The following HECW1 variants were observed in gnomAD, a reference collection of about 807,000 sequenced individuals.
The protein encoded by HECW1 is E3 ubiquitin-protein ligase HECW1.
In HECW1, 61 loss-of-function variants were observed where a neutral mutation model predicts 182.3. That is an observed-to-expected ratio of 0.33 (90% CI 0.27 to 0.41). The LOEUF (loss-of-function observed/expected upper bound fraction) is 0.41. Among genes scored for constraint, HECW1 ranks in the 10% least tolerant of loss-of-function variants. The pLI, the probability that HECW1 is intolerant of heterozygous loss-of-function variation, is 1.00. For synonymous variants in HECW1, 859 were observed against 832.6 expected, an observed-to-expected ratio of 1.03 and a Z score of -0.55; for missense variants, 1,739 against 2,108.9, an observed-to-expected ratio of 0.82 and a Z score of 3.44.
At chr7:43,226,777 C>T (rs1797465135) in intron 2 of HECW1, among the ~76,000 whole-genome samples, 1 of 152,204 alleles carries the variant, frequency 6.6e-6, no homozygotes, top group East Asian at 1.9e-4. Flanking sequence ...TTCTAAAATG[C>T]TGCCCTCCGA....
In HECW1 at chr7:43,368,599, A is replaced by C. The variant is rs146627629; in HGVS notation, c.555+7619A>C. Among the ~76,000 whole-genome samples the C allele has an allele frequency of 9.5e-4, 145 of 152,312 alleles. 2 individuals carry two copies. Among genetic ancestry groups the C allele is most frequent in the African/African-American group, 3.2e-3 (135 of 41,584 alleles). ...TAGATAATTTACCCAGGCCCTACTCACAATCTCTAACCTCTCAAAGAGGCA... is the reference window on the plus strand; with the variant it reads ...TAGATAATTTACCCAGGCCCTACTCCCAATCTCTAACCTCTCAAAGAGGCA... On this transcript the variant is annotated intron_variant, in intron 6 of 29. Coordinates refer to ENST00000395891, the MANE Select transcript of HECW1 (RefSeq NM_015052.5).
At chr7:43,419,096 G>A (rs530871183) in intron 8 of HECW1, among the ~76,000 whole-genome samples, 27 of 152,288 alleles carry the variant, frequency 1.8e-4, no homozygotes, top group African/African-American at 4.8e-4. Flanking sequence ...TCTATACATC[G>A]TTTGGGGCTC....
chr7:43,251,949 G>A (rs1397747248), intron 3 of HECW1, among the ~76,000 whole-genome samples: 1 of 152,170 alleles, frequency 6.6e-6, no homozygotes, highest in Non-Finnish European at 1.5e-5. Flanking sequence ...TGGACCCAGT[G>A]CTCTGGGGGG....
Position 43,445,067 on chromosome 7 carries a change from A to G in HECW1, c.1895A>G (p.His632Arg). 2 of 1,593,328 alleles carry G rather than the reference A, an allele frequency of 1.3e-6. No individual in the cohort carries two copies. Among genetic ancestry groups the G allele is most frequent in the South Asian group, 2.2e-5 (2 of 88,928 alleles). ...ACTCCAGGCACGGCGCACCCTGGCC[A>G]CTCCGGGGGCCACTTCCCCAGCCTG... ...GATPGTAHPG[H>R]SGGHFPSLAN... Residue 632 changes from histidine to arginine, a missense_variant, in exon 11 of 30, where the codon CAC becomes CGC. Transcript: ENST00000395891.
At chr7:43,286,442 T>C (rs997474066) in intron 3 of HECW1, among the ~76,000 whole-genome samples, 1 of 152,122 alleles carries the variant, frequency 6.6e-6, no homozygotes, top group African/African-American at 2.4e-5. Context: ...CATTTTCCTT[T>C]CTCCTGATTG....
chr7:43,141,440 GA>G (rs1310728495), intron 2 of HECW1, among the ~76,000 whole-genome samples: 2 of 152,160 alleles, frequency 1.3e-5, no homozygotes, highest in Non-Finnish European at 2.9e-5. Flanking sequence ...GCTTCTCTTG[GA>G]ATGTAGCCAA....
At chr7:43,473,875 A>G (rs1336493780) in intron 16 of HECW1, among the ~76,000 whole-genome samples, 1 of 152,220 alleles carries the variant, frequency 6.6e-6, no homozygotes, top group Non-Finnish European at 1.5e-5. Context: ...TGCAAAGAAG[A>G]TGGAAATAAT....
intron 11 of HECW1, 35 bp from the exon 12 acceptor site, chr7:43,450,793 A>C: frequency 7.5e-7 from 1 of 1,326,786 alleles, no homozygotes. Flanking sequence ...CACGGCAGTG[A>C]ATGAATCTGA....
intron 5 of HECW1, among the ~76,000 whole-genome samples, chr7:43,337,199 A>C (rs1812405429): frequency 6.6e-6 from 1 of 152,186 alleles, no homozygotes; most frequent in Non-Finnish European, 1.5e-5. Flanking sequence ...AACCATGCCA[A>C]CATCCATTGT....
chr7:43,358,614 A>G (rs997763714), intron 5 of HECW1, among the ~76,000 whole-genome samples: 1 of 152,202 alleles, frequency 6.6e-6, no homozygotes, highest in Non-Finnish European at 1.5e-5. Context: ...TTAAAATTTA[A>G]TGAAAAAGTT....
intron 2 of HECW1, among the ~76,000 whole-genome samples, chr7:43,235,156 G>A (rs1456662713): frequency 1.3e-5 from 2 of 152,174 alleles, no homozygotes; most frequent in African/African-American, 2.4e-5. Flanking sequence ...ATATCCAAGG[G>A]AGCCCGGAGC....
chr7:43,322,303 A>G (rs1014352478), intron 5 of HECW1, among the ~76,000 whole-genome samples: 1 of 152,022 alleles, frequency 6.6e-6, no homozygotes, highest in Non-Finnish European at 1.5e-5. Context: ...CAGGCAATCC[A>G]CCTGCCTTGG....
intron 6 of HECW1, among the ~76,000 whole-genome samples, chr7:43,382,313 C>A (rs1307745601): frequency 2.6e-5 from 4 of 151,862 alleles, no homozygotes; most frequent in African/African-American, 7.3e-5. Context: ...AAAATAGAAG[C>A]CCCTTCAGAG....
chr7:43,230,133 C>T (rs1584078443), intron 2 of HECW1, among the ~76,000 whole-genome samples: 1 of 152,374 alleles, frequency 6.6e-6, no homozygotes, highest in South Asian at 2.1e-4. Flanking sequence ...TGGCTCACGC[C>T]TGTAATCCCA....
intron 8 of HECW1, among the ~76,000 whole-genome samples, chr7:43,410,601 T>C (rs189064586): frequency 6.6e-6 from 1 of 152,342 alleles, no homozygotes; most frequent in Non-Finnish European, 1.5e-5. Flanking sequence ...TGTATAATTA[T>C]TATTTCTTCC....
chr7:43,145,220 T>G (rs1788572259), intron 2 of HECW1, among the ~76,000 whole-genome samples: 1 of 152,212 alleles, frequency 6.6e-6, no homozygotes, highest in Non-Finnish European at 1.5e-5. Flanking sequence ...CTCAATGTAG[T>G]CTGCATGGCC....
At chr7:43,363,704 T>C (rs1291291389) in intron 6 of HECW1, among the ~76,000 whole-genome samples, 1 of 152,194 alleles carries the variant, frequency 6.6e-6, no homozygotes, top group Non-Finnish European at 1.5e-5. Flanking sequence ...TTAGGTTTCA[T>C]AGGAGCCACT....
At chr7:43,519,487 G>A (rs2080339473) in intron 24 of HECW1, among the ~76,000 whole-genome samples, 1 of 152,092 alleles carries the variant, frequency 6.6e-6, no homozygotes, top group African/African-American at 2.4e-5. Context: ...TTCATGATTG[G>A]CCCGTCTCGG....
intron 8 of HECW1, among the ~76,000 whole-genome samples, chr7:43,419,355 A>G (rs2076111160): frequency 6.6e-6 from 1 of 152,232 alleles, no homozygotes; most frequent in Admixed American, 6.5e-5. Flanking sequence ...TAGCAATTAG[A>G]AACAATTATT....
Sources: gnomAD v4.1 joint callset for allele counts (sites outside exome capture counted in the v4.1 genomes callset) on GRCh38, gnomAD v4.1.1 for gene constraint, MANE v1.5 for transcripts, NCBI Gene and HGNC (gene_info 2026-07-23, HGNC 2026-07-21) for gene names.